Variants in LUZP2 observed in about 807,000 individuals in gnomAD.
LUZP2 encodes leucine zipper protein 2.
In LUZP2, 52 loss-of-function variants were observed where a neutral mutation model predicts 51.6. The observed-to-expected ratio is 1.01, with a 90% confidence interval of 0.81 to 1.27. The LOEUF is 1.27. LUZP2 is among the 50% of genes most tolerant of loss of function. The pLI, the probability that LUZP2 is intolerant of heterozygous loss-of-function variation, is 0.00. For missense variants in LUZP2, 436 were observed against 395.4 expected, an observed-to-expected ratio of 1.10 and a Z score of -0.87; for synonymous variants, 154 against 137.3, an observed-to-expected ratio of 1.12 and a Z score of -0.85.
At position 24,744,706 on chromosome 11, in the gene LUZP2, C is replaced by T. The variant is rs191734380; in HGVS notation, c.333+6404C>T. ...TTGGTTGTTTTTTGTTTCAATTTCACTTAGTCCTGCTCTGATCTTGGTTAT... is the reference window on the plus strand; with the variant it reads ...TTGGTTGTTTTTTGTTTCAATTTCATTTAGTCCTGCTCTGATCTTGGTTAT... On this transcript the variant is annotated intron_variant, in intron 4 of 11. Transcript: ENST00000336930. Among the ~76,000 whole-genome samples, 375 of 152,084 alleles carry T rather than the reference C, an allele frequency of 2.5e-3. 2 individuals are homozygous for T. The highest frequency in any genetic ancestry group is 0.01 in the Admixed American group (154 of 15,268).
At chr11:24,530,082 GT>G (rs1850946276) in intron 1 of LUZP2, among the ~76,000 whole-genome samples, 1 of 150,688 alleles carries the variant, frequency 6.6e-6, no homozygotes, top group Admixed American at 6.7e-5. Context: ...TAATTTTTGT[GT>G]TTTTCCTTTC....
At position 24,601,278 on chromosome 11, in the gene LUZP2, A is replaced by G. The variant is rs560752832; in HGVS notation, c.62+103973A>G. Among the ~76,000 whole-genome samples the G allele has an allele frequency of 9.2e-5, 14 of 152,146 alleles. No homozygotes were observed. The South Asian group carries it at 2.9e-3, about 32-fold the overall frequency. ...CTCAAACTACTCTTATTAATTTATT[A>G]TTGTTTATATTTTGAGGCCCTATAC... On this transcript the variant is annotated intron_variant, in intron 1 of 11. Transcript: ENST00000336930.
At chr11:24,735,302 T>G (rs973785901) in intron 3 of LUZP2, among the ~76,000 whole-genome samples, 2 of 151,538 alleles carry the variant, frequency 1.3e-5, no homozygotes, top group Admixed American at 6.6e-5. Flanking sequence ...CATAGGAGAT[T>G]CCCCAGGTGA....
At chr11:25,076,653 G>GGGAGGGAGGGAAGGAGGGAGGGAA (rs1179916466) in intron 10 of LUZP2, among the ~76,000 whole-genome samples, 1 of 146,400 alleles carries the variant, frequency 6.8e-6, no homozygotes, top group African/African-American at 2.6e-5. Flanking sequence ...AGGGAAGGAA[G>GGGAGGGAGGGAAGGAGGGAGGGAA]GGAGGGAGGG....
chr11:24,844,486 A>G lies in LUZP2; in HGVS notation c.397-61505A>G, dbSNP rs191119113. The stretch of plus-strand genomic sequence containing the variant: ...TTCAGAATATTTGCACCCTGACAAT[A>G]CAATAGAAAAGAAAATTCCATTTTC... On this transcript the variant is annotated intron_variant, in intron 5 of 11. Transcript: ENST00000336930. 8.5e-5 allele frequency among the ~76,000 whole-genome samples: 13 copies of G among 152,308 alleles called. No individual in the cohort carries two copies. The East Asian group carries it at 2.3e-3, about 27-fold the overall frequency.
At chr11:24,544,986 G>A (rs1851493598) in intron 1 of LUZP2, among the ~76,000 whole-genome samples, 1 of 152,022 alleles carries the variant, frequency 6.6e-6, no homozygotes, top group South Asian at 2.1e-4. Flanking sequence ...CATTCTGACT[G>A]GTGTGAGATG....
chr11:24,821,692 C>T (rs1223404265), intron 5 of LUZP2, among the ~76,000 whole-genome samples: 1 of 151,984 alleles, frequency 6.6e-6, no homozygotes, highest in East Asian at 1.9e-4. Context: ...TCTTCTTGCA[C>T]ATTTCAAAAA....
chr11:24,656,294 C>T (rs1055976144), intron 1 of LUZP2, among the ~76,000 whole-genome samples: 1 of 151,708 alleles, frequency 6.6e-6, no homozygotes, highest in Admixed American at 6.6e-5. Context: ...AATAAATTAT[C>T]ACAAATTTAT....
chr11:24,892,656 G>T (rs1458918900), intron 5 of LUZP2: 1 of 164,588 alleles, frequency 6.1e-6, no homozygotes, highest in Non-Finnish European at 1.3e-5. Context: ...AACAAGTAAT[G>T]TGTATATTTC....
At chr11:24,712,143 G>T (rs1857851052) in intron 1 of LUZP2, among the ~76,000 whole-genome samples, 2 of 152,100 alleles carry the variant, frequency 1.3e-5, no homozygotes. Flanking sequence ...TAATTTGGCT[G>T]GACTCAGTTG....
chr11:24,650,134 G>C (rs1174425841), intron 1 of LUZP2, among the ~76,000 whole-genome samples: 6 of 151,982 alleles, frequency 3.9e-5, no homozygotes, highest in African/African-American at 1.4e-4. Context: ...AAATTGTAGT[G>C]GTGTAGATGT....
At chr11:24,998,112 C>T (rs4615980) in intron 9 of LUZP2, among the ~76,000 whole-genome samples, 151,946 of 152,260 alleles carry the variant, frequency 1, 75,816 homozygotes, top group Middle Eastern at 1. Context: ...GGCTCTGTTT[C>T]GGTTCCATAT....
chr11:24,851,879 C>T (rs531404292), intron 5 of LUZP2, among the ~76,000 whole-genome samples: 5 of 152,114 alleles, frequency 3.3e-5, no homozygotes, highest in Non-Finnish European at 7.4e-5. Flanking sequence ...TTATCCATTT[C>T]TTTTAGATTT....
chr11:24,566,927 G>T (rs61875639), intron 1 of LUZP2, among the ~76,000 whole-genome samples: 1 of 2,198 alleles, frequency 4.5e-4, no homozygotes, highest in Non-Finnish European at 9.0e-4. Context: ...ATGTATATAT[G>T]TATATATATA....
At chr11:24,796,631 T>C (rs1849554054) in intron 5 of LUZP2, among the ~76,000 whole-genome samples, 3 of 151,566 alleles carry the variant, frequency 2.0e-5, no homozygotes, top group Admixed American at 2.0e-4. Context: ...GGCTGGCTTG[T>C]GATAAGACTG....
chr11:24,838,121 C>T (rs1234317481), intron 5 of LUZP2, among the ~76,000 whole-genome samples: 3 of 151,552 alleles, frequency 2.0e-5, no homozygotes, highest in African/African-American at 7.3e-5. Context: ...ATAATTTTCC[C>T]AATATCACAT....
At chr11:24,788,086 GC>G (rs1359965291) in intron 5 of LUZP2, among the ~76,000 whole-genome samples, 12 of 151,800 alleles carry the variant, frequency 7.9e-5, no homozygotes, top group African/African-American at 2.4e-4. Flanking sequence ...TCTTAAGTGG[GC>G]CCTTACTACT....
intron 5 of LUZP2, among the ~76,000 whole-genome samples, chr11:24,876,391 A>G (rs1407663258): frequency 6.7e-6 from 1 of 150,312 alleles, no homozygotes; most frequent in African/African-American, 2.5e-5. Flanking sequence ...CAGGTTTGTC[A>G]AAGATGAGAT....
chr11:25,014,387 T>A (rs1857078926), intron 9 of LUZP2, among the ~76,000 whole-genome samples: 1 of 152,174 alleles, frequency 6.6e-6, no homozygotes, highest in Non-Finnish European at 1.5e-5. Context: ...GTCTTCCTAT[T>A]TCTCCACATC....
Sources: gnomAD v4.1 joint callset for allele counts (sites outside exome capture counted in the v4.1 genomes callset) on GRCh38, gnomAD v4.1.1 for gene constraint, MANE v1.5 for transcripts, NCBI Gene and HGNC (gene_info 2026-07-23, HGNC 2026-07-21) for gene names.